The following HSP90B1 variants were observed in gnomAD, a reference collection of about 807,000 sequenced individuals.
HSP90B1 encodes heat shock protein 90 beta family member 1, also known as endoplasmin.
A neutral mutation model predicts 100.4 loss-of-function variants in HSP90B1; 27 were observed. That is an observed-to-expected ratio of 0.27 (90% CI 0.20 to 0.37). The LOEUF (loss-of-function observed/expected upper bound fraction) is 0.37, where lower values mean the gene tolerates loss of function less well. HSP90B1 is among the 10% of genes least tolerant of loss of function. The pLI, the probability that HSP90B1 is intolerant of heterozygous loss-of-function variation, is 1.00. For missense variants in HSP90B1, 678 were observed against 960.5 expected (o/e 0.71, Z 3.89); for synonymous variants, 304 against 330.8 (o/e 0.92, Z 0.88).
intron 14 of HSP90B1, among the ~76,000 whole-genome samples, chr12:103,945,033 G>C (rs889742150): frequency 6.6e-6 from 1 of 152,178 alleles, no homozygotes; most frequent in African/African-American, 2.4e-5. Flanking sequence ...TTAATTTCAG[G>C]AAATGATTAA....
rs1869722082 is a variant in HSP90B1, at chr12:103,930,680, A to AC, written c.49+117dup. The AC allele has an allele frequency of 4.6e-6, 4 of 868,134 alleles. No individual in the cohort carries two copies. In the South Asian group the frequency reaches 6.6e-5, roughly 14 times the overall value. 53.8% of individuals were successfully genotyped at this position (868,134 alleles called of 1,614,324 possible). On this transcript the variant is annotated intron_variant, in intron 1 of 17. Transcript: ENST00000299767. This position sits in a 1 kb window ranked among gnomAD's most constrained non-coding sequence, Gnocchi z 4.4. ...CCCGGGGCCTGCGGTGGGCCAAGGG[A>AC]CGTCACCATTCCTCGAAAGAGGGCA... is the stretch of plus-strand genomic sequence containing the variant.
At chr12:103,933,321 A>T (rs1044410340) in intron 4 of HSP90B1, among the ~76,000 whole-genome samples, 6 of 152,238 alleles carry the variant, frequency 3.9e-5, no homozygotes, top group Non-Finnish European at 7.3e-5. Flanking sequence ...GCTCTGCCTC[A>T]TCCTCAGGCT....
rs1188817127 is a variant in HSP90B1 at position 103,943,247 on chromosome 12, G to C, written c.1818G>C (p.Glu606Asp). ...TCGATGAAAGTGAGAAAACTAAGGAGAGTCGTGAAGCAGTTGAGAAAGAAT... is the reference window on the plus strand; with the variant it reads ...TCGATGAAAGTGAGAAAACTAAGGACAGTCGTGAAGCAGTTGAGAAAGAAT... ...VKFDESEKTK[E>D]SREAVEKEFE... Residue 606 changes from glutamate to aspartate, a missense_variant, in exon 13 of 18, where the codon GAG becomes GAC. Transcript: ENST00000299767. This position sits in a 1 kb window ranked among gnomAD's most constrained non-coding sequence, Gnocchi z 5.3. 6.2e-7 allele frequency: 1 copy of C among 1,614,176 alleles called. No homozygotes were observed. The highest frequency in any genetic ancestry group is 1.7e-5 in the Admixed American group (1 of 60,028).
Position 103,932,871 on chromosome 12 carries a change from A to G in HSP90B1, c.340A>G (p.Lys114Glu), listed in dbSNP as rs776271094. ...LISNASDALD[K>E]IRLISLTDEN... is the part of the protein sequence containing the mutation. ...TTCAAATGCTTCTGATGCTTTAGAT[A>G]AGATAAGGCTAATATCACTGACTGA... Residue 114 changes from lysine (K) to glutamate (E), a missense_variant, in exon 4 of 18, where the codon AAG becomes GAG. By Grantham distance (56) the Lys-to-Glu change is moderately conservative. Transcript: ENST00000299767. The G allele has an allele frequency of 1.9e-6, 3 of 1,606,274 alleles. No individual in the cohort carries two copies. The highest frequency in any genetic ancestry group is 3.3e-5 in the Admixed American group (2 of 59,998).
Position 103,930,452 on chromosome 12 carries a change from AGGGGTGG to A in HSP90B1, c.-56_-50del, listed in dbSNP as rs62747560. ...GCTGGAGGTGTGAGGATCCGAACCCAGGGGTGGGGGGTGGAGGCGGCTCCTGCGATCG... is the reference window on the plus strand; with the variant it reads ...GCTGGAGGTGTGAGGATCCGAACCCAGGGGTGGAGGCGGCTCCTGCGATCG... On this transcript the variant is annotated 5_prime_UTR_variant, in exon 1 of 18. Transcript: ENST00000299767. This position sits in a 1 kb window ranked among gnomAD's most constrained non-coding sequence, Gnocchi z 4.4. 0.13 allele frequency: 190,385 copies of A among 1,509,680 alleles called. 13,287 individuals are homozygous for A. Among genetic ancestry groups the A allele is most frequent in the Admixed American group, 0.21 (10,454 of 50,862 alleles). The allele number at this position is 1,509,680 out of a possible 1,614,324, so 93.5% of individuals were successfully genotyped here. A position where few individuals can be genotyped will look rare whatever the true frequency, so the allele number is the denominator to read the frequency against.
In HSP90B1 at chr12:103,934,305, C is replaced by T. The variant is rs1566165251; in HGVS notation, c.743+18C>T. 2 of 1,574,866 alleles carry T rather than the reference C, an allele frequency of 1.3e-6. No homozygotes were observed. The highest frequency in any genetic ancestry group is 1.7e-6 in the Non-Finnish European group (2 of 1,146,316). On this transcript the variant is annotated intron_variant, in intron 5 of 17. Coordinates refer to ENST00000299767, the MANE Select transcript of HSP90B1 (RefSeq NM_003299.3). ...ACAATTACGTGAGTATGACCAATTC[C>T]TTATAAGAATTAATAGTCATGGTGA...
At chr12:103,936,595 C>T (rs567140153) in intron 5 of HSP90B1, among the ~76,000 whole-genome samples, 1 of 141,288 alleles carries the variant, frequency 7.1e-6, no homozygotes, top group Admixed American at 7.6e-5. Flanking sequence ...TGCAGTGAGC[C>T]ATCATCACGC....
In HSP90B1 at chr12:103,938,342, T is replaced by G. The variant is rs758123238; in HGVS notation, c.858T>G (p.Thr286=). The G allele has an allele frequency of 1.8e-5, 28 of 1,546,428 alleles. No homozygotes were observed. In the African/African-American group the frequency reaches 3.9e-4, roughly 21 times the overall value. Residue 286 remains threonine, a splice_region_variant and synonymous_variant, in exon 7 of 18, where the codon ACT becomes ACG. Transcript: ENST00000299767. ...CCATAATTCTCTTATTTCAACAGAC[T>G]GAAACTGTTGAGGAGCCCATGGAGG... ...NFPIYVWSSK[T]ETVEEPMEEE... is the part of the protein sequence containing the mutation.
chr12:103,931,700 C>A, intron 2 of HSP90B1, 77 bp downstream of exon 2: 1 of 1,036,162 alleles, frequency 9.7e-7, no homozygotes, highest in Non-Finnish European at 1.5e-6. Context: ...TTATGTATCT[C>A]TTCTCCAAAG....
At position 103,943,314 on chromosome 12, in the gene HSP90B1, G is replaced by A; in HGVS notation, c.1885G>A (p.Asp629Asn). Residue 629 changes from aspartate to asparagine, a missense_variant, in exon 13 of 18, where the codon GAC (aspartate) becomes AAC (asparagine). Physicochemically the swap from Asp to Asn is conservative, Grantham distance 23. This residue lies in a region of HSP90B1 where 170 missense variants were observed against 236.7 expected (regional missense o/e 0.72). Transcript: ENST00000299767. This position sits in a 1 kb window ranked among gnomAD's most constrained non-coding sequence, Gnocchi z 5.3. The part of the protein sequence containing the change: ...LNWMKDKALK[D>N]KIEKAVVSQR... Reference sequence around the variant, plus strand: ...TTGGATGAAAGATAAAGCCCTTAAGGACAAGGTACTGTGGAAATTACAAAT... The same window carrying A: ...TTGGATGAAAGATAAAGCCCTTAAGAACAAGGTACTGTGGAAATTACAAAT... 1 of 1,613,884 alleles carries A rather than the reference G, an allele frequency of 6.2e-7. No homozygotes were observed. Among genetic ancestry groups the A allele is most frequent in the Non-Finnish European group, 8.5e-7 (1 of 1,179,818 alleles).
Position 103,943,820 on chromosome 12 carries a change from T to C in HSP90B1, c.1973T>C (p.Met658Thr), listed in dbSNP as rs770625043. Residue 658 changes from methionine (M) to threonine (T), a missense_variant, in exon 14 of 18, where the codon ATG becomes ACG. Coordinates refer to ENST00000299767, the MANE Select transcript of HSP90B1 (RefSeq NM_003299.3). This position sits in a 1 kb window ranked among gnomAD's most constrained non-coding sequence, Gnocchi z 5.3. ...AGCCAGTACGGATGGTCTGGCAACA[T>C]GGAGAGAATCATGAAAGCACAAGCG... ...VASQYGWSGN[M>T]ERIMKAQAYQ... 2.5e-6 allele frequency: 4 copies of C among 1,614,098 alleles called. No homozygotes were observed. Among genetic ancestry groups the C allele is most frequent in the Non-Finnish European group, 3.4e-6 (4 of 1,179,998 alleles).
chr12:103,945,545 G>T (rs1361625469), intron 14 of HSP90B1, among the ~76,000 whole-genome samples: 1 of 152,158 alleles, frequency 6.6e-6, no homozygotes, highest in African/African-American at 2.4e-5. Flanking sequence ...CGAAGGCATC[G>T]TGGAGAAGGT....
At chr12:103,931,900 T>G in intron 2 of HSP90B1, 3 of 460,008 alleles carry the variant, frequency 6.5e-6, no homozygotes, top group Non-Finnish European at 1.2e-5. Context: ...ATTCATTAAC[T>G]GTGTACACCG....
chr12:103,941,934 TTTGA>T (rs770129724), intron 11 of HSP90B1, 37 bp downstream of exon 11: 3 of 1,541,408 alleles, frequency 1.9e-6, no homozygotes, highest in Admixed American at 1.7e-5. Context: ...CACTTTGCTG[TTTGA>T]TTGGGGTTCA....
Position 103,938,403 on chromosome 12 carries a change from G to A in HSP90B1, c.919G>A (p.Asp307Asn), listed in dbSNP as rs1445926074. The change falls in exon 7 of 18, where the codon GAT becomes AAT. Residue 307 changes from aspartate to asparagine, a missense_variant. Coordinates refer to ENST00000299767, the MANE Select transcript of HSP90B1 (RefSeq NM_003299.3). ...EAAKEEKEES[D>N]DEAAVEEEEE... ...AGCCAAAGAAGAGAAAGAAGAATCT[G>A]ATGATGAAGCTGCAGTAGAGGAAGA... 2 of 1,590,484 alleles carry A rather than the reference G, an allele frequency of 1.3e-6. No homozygotes were observed. The highest frequency in any genetic ancestry group is 2.2e-5 in the East Asian group (1 of 44,568).
At chr12:103,941,745 G>C (rs898077020) in intron 10 of HSP90B1, 39 bp downstream of exon 10, 2 of 1,603,142 alleles carry the variant, frequency 1.2e-6, no homozygotes, top group African/African-American at 2.7e-5. Flanking sequence ...TGATTGTTGT[G>C]GGGGTCTGGC....
chr12:103,945,351 C>T (rs2136217516), intron 14 of HSP90B1, among the ~76,000 whole-genome samples: 1 of 152,124 alleles, frequency 6.6e-6, no homozygotes, highest in South Asian at 2.1e-4. Context: ...ATAATCCGAG[C>T]CCTACATAGA....
rs1284448868 is a variant in HSP90B1, at chr12:103,943,861, G to A, written c.2014G>A (p.Asp672Asn). The A allele has an allele frequency of 6.2e-7, 1 of 1,613,816 alleles. No individual in the cohort carries two copies. The highest frequency in any genetic ancestry group is 1.7e-5 in the Admixed American group (1 of 59,918). Residue 672 changes from aspartate (D) to asparagine (N), a missense_variant, in exon 14 of 18, where the codon GAC (aspartate) becomes AAC (asparagine). Physicochemically the swap from Asp to Asn is conservative, Grantham distance 23. Coordinates refer to ENST00000299767, the MANE Select transcript of HSP90B1 (RefSeq NM_003299.3). The surrounding 1 kb of genome is among the most constrained non-coding windows in gnomAD (Gnocchi z 5.3). The part of the protein sequence containing the change: ...MKAQAYQTGK[D>N]ISTNYYASQK... ...AGCACAAGCGTACCAAACGGGCAAG[G>A]ACATCTCTACAAAGTAAGCATCCTC...
At chr12:103,946,733 T>G (rs764175472) in intron 15 of HSP90B1, 37 bp downstream of exon 15, 1 of 1,612,852 alleles carries the variant, frequency 6.2e-7, no homozygotes, top group Admixed American at 1.7e-5. Context: ...GTCTTTTAAT[T>G]TGAGTACTTT....
Sources: allele counts gnomAD v4.1 joint callset (sites outside exome capture counted in the v4.1 genomes callset), GRCh38; gene constraint gnomAD v4.1.1; regional missense constraint gnomAD v4.1.1; non-coding constraint Gnocchi (gnomAD v3.1); transcripts MANE v1.5; gene names NCBI Gene and HGNC (gene_info 2026-07-23, HGNC 2026-07-21).